Variants in TRAM2 observed in about 807,000 individuals in gnomAD.
TRAM2 encodes translocating chain-associated membrane protein 2.
In TRAM2, 12 loss-of-function variants were observed where a neutral mutation model predicts 51.0. The ratio of observed to expected loss-of-function variants is 0.24; its 90% confidence interval spans 0.15 to 0.38. The LOEUF is 0.38. TRAM2 is among the 10% of genes least tolerant of loss of function. The pLI is 1.00. For missense variants in TRAM2, 361 were observed against 462.0 expected (o/e 0.78, Z 2.00); for synonymous variants, 175 against 179.4 (o/e 0.98, Z 0.20).
Position 52,501,046 on chromosome 6 carries a change from A to G in TRAM2, c.*2151T>C, listed in dbSNP as rs1030115024. The G allele has an allele frequency of 6.6e-6, 1 of 152,194 alleles. No homozygotes were observed. The highest frequency in any genetic ancestry group is 6.5e-5 in the Admixed American group (1 of 15,270). The allele number at this position is 152,194 out of a possible 1,614,324, so 9.4% of individuals were successfully genotyped here. On this transcript the variant is annotated 3_prime_UTR_variant, in exon 11 of 11. Transcript: ENST00000182527. ...AGGCAAGGTGGGGGGCCTGAACTCA[A>G]TTATAGACTCTGTCAGGGCTGTTTG...
intron 1 of TRAM2, among the ~76,000 whole-genome samples, chr6:52,546,112 C>G (rs1767195280): frequency 6.6e-6 from 1 of 152,152 alleles, no homozygotes; most frequent in African/African-American, 2.4e-5. Flanking sequence ...CAGCAACGTT[C>G]TACCTGATCT....
chr6:52,545,190 G>A (rs567965672), intron 1 of TRAM2, among the ~76,000 whole-genome samples: 11 of 152,300 alleles, frequency 7.2e-5, no homozygotes, highest in East Asian at 1.9e-4. Flanking sequence ...AAAATTAGAC[G>A]GAGAGGCTGG....
chr6:52,504,993 G>A (rs535923244), intron 9 of TRAM2, among the ~76,000 whole-genome samples: 4 of 152,370 alleles, frequency 2.6e-5, no homozygotes, highest in Non-Finnish European at 4.4e-5. Context: ...GGCGACAGAC[G>A]TACGGCCAGC....
rs576120915 is a variant in TRAM2 at position 52,545,376 on chromosome 6, T to C, written c.121-9530A>G. Among the ~76,000 whole-genome samples the C allele has an allele frequency of 2.0e-5, 3 of 152,294 alleles. No individual in the cohort carries two copies. The South Asian group carries it at 6.2e-4, about 32-fold the overall frequency. On this transcript the variant is annotated intron_variant, in intron 1 of 10. Coordinates refer to ENST00000182527, the MANE Select transcript of TRAM2 (RefSeq NM_012288.4). The stretch of plus-strand genomic sequence containing the variant: ...ATTAAGTAAGTCTCTTTCAGGGGGC[T>C]ACAAGAAGGGACAGGAACTGCCTGG...
At chr6:52,503,481 T>C (rs1230448800) in intron 10 of TRAM2, among the ~76,000 whole-genome samples, 1 of 151,984 alleles carries the variant, frequency 6.6e-6, no homozygotes, top group East Asian at 1.9e-4. Flanking sequence ...GGCCCTGGAC[T>C]AGTGGCCCTG....
intron 1 of TRAM2, among the ~76,000 whole-genome samples, chr6:52,548,913 G>A (rs79608250): frequency 6.6e-6 from 1 of 152,180 alleles, no homozygotes; most frequent in Non-Finnish European, 1.5e-5. Context: ...AAAAACATCT[G>A]TTAGTGCCCT....
At chr6:52,526,158 C>G (rs1381821845) in intron 2 of TRAM2, among the ~76,000 whole-genome samples, 143 of 1,308 alleles carry the variant, frequency 0.11, 1 homozygote, top group African/African-American at 0.29. Context: ...GACAGACACA[C>G]ACACACACAC....
intron 1 of TRAM2, among the ~76,000 whole-genome samples, chr6:52,538,205 AC>A (rs1229490779): frequency 3.9e-5 from 6 of 152,102 alleles, no homozygotes; most frequent in Non-Finnish European, 5.9e-5. Flanking sequence ...CAAACACTCT[AC>A]CCTGCCTAGG....
Position 52,543,153 on chromosome 6 carries a change from T to C in TRAM2, c.121-7307A>G, listed in dbSNP as rs576001590. ...TGTATTACTTCTTTGAGAGCCTTAA[T>C]ATATATATTCTCATCCTCCCCTAAA... On this transcript the variant is annotated intron_variant, in intron 1 of 10. Coordinates refer to ENST00000182527, the MANE Select transcript of TRAM2 (RefSeq NM_012288.4). 1.8e-4 allele frequency among the ~76,000 whole-genome samples: 23 copies of C among 129,286 alleles called. 1 individual carries two copies. In the South Asian group the frequency reaches 7.2e-3, roughly 40 times the overall value. The allele number at this position is 129,286 out of a possible 152,430, so 84.8% of individuals were successfully genotyped here.
At chr6:52,519,678 T>C (rs549981927) in intron 2 of TRAM2, among the ~76,000 whole-genome samples, 1 of 152,252 alleles carries the variant, frequency 6.6e-6, no homozygotes, top group African/African-American at 2.4e-5. Context: ...TTCAATAAAA[T>C]ATTTGTACAT....
chr6:52,562,092 A>C (rs974557565), intron 1 of TRAM2, among the ~76,000 whole-genome samples: 5 of 151,982 alleles, frequency 3.3e-5, no homozygotes, highest in African/African-American at 1.2e-4. Flanking sequence ...AAAAAAAAAA[A>C]CTTTAAAAAG....
intron 4 of TRAM2, among the ~76,000 whole-genome samples, chr6:52,512,885 G>A (rs963251131): frequency 3.3e-5 from 5 of 152,130 alleles, no homozygotes; most frequent in Non-Finnish European, 7.3e-5. Flanking sequence ...AGTAGAAACC[G>A]GTCCTGGTAC....
intron 2 of TRAM2, among the ~76,000 whole-genome samples, chr6:52,532,453 G>A (rs778894757): frequency 9.2e-5 from 14 of 151,962 alleles, no homozygotes; most frequent in Non-Finnish European, 1.6e-4. Context: ...TTAATCCTGT[G>A]CATTTTATAT....
chr6:52,560,323 AG>A (rs1434915254), intron 1 of TRAM2, among the ~76,000 whole-genome samples: 3 of 152,094 alleles, frequency 2.0e-5, no homozygotes, highest in Non-Finnish European at 4.4e-5. Context: ...TCTCCTAGAG[AG>A]ATACCAATGT....
In TRAM2 at chr6:52,577,060, C is replaced by A. The variant is rs2114115653; in HGVS notation, c.-145G>T. On this transcript the variant is annotated 5_prime_UTR_variant, in exon 1 of 11. Coordinates refer to ENST00000182527, the MANE Select transcript of TRAM2 (RefSeq NM_012288.4). ...TCGCCCGCCCAGCGCGGAACAACTT[C>A]GGGGCCCGCCCCCTTCCTCCGCCCG... The A allele has an allele frequency of 2.0e-6, 2 of 1,003,904 alleles. No homozygotes were observed. The highest frequency in any genetic ancestry group is 4.5e-5 in the South Asian group (1 of 22,370). The allele number at this position is 1,003,904 out of a possible 1,614,324, so 62.2% of individuals were successfully genotyped here. A position where few individuals can be genotyped will look rare whatever the true frequency, so the allele number is the denominator to read the frequency against.
intron 1 of TRAM2, among the ~76,000 whole-genome samples, chr6:52,562,729 G>A (rs1767521138): frequency 6.6e-6 from 1 of 151,902 alleles, no homozygotes; most frequent in Admixed American, 6.6e-5. Context: ...CCCACCACAG[G>A]CCCTGGTGTA....
chr6:52,516,171 T>C (rs1238590534), intron 3 of TRAM2, 49 bp from the exon 4 acceptor site: 6 of 1,547,708 alleles, frequency 3.9e-6, no homozygotes, highest in South Asian at 1.1e-5. Flanking sequence ...TGTATCCATA[T>C]TGGGCAGGTT....
chr6:52,547,384 T>C (rs932455350), intron 1 of TRAM2, among the ~76,000 whole-genome samples: 17 of 152,142 alleles, frequency 1.1e-4, no homozygotes, highest in African/African-American at 4.1e-4. Context: ...CCACGCCCTT[T>C]CTCAGTTCCC....
rs540409429 is a variant in TRAM2, at chr6:52,505,301, G to A, written c.875+298C>T. Among the ~76,000 whole-genome samples the A allele has an allele frequency of 2.3e-3, 346 of 152,310 alleles. 2 individuals carry two copies. Among genetic ancestry groups the A allele is most frequent in the Non-Finnish European group, 3.6e-3 (242 of 68,022 alleles). On this transcript the variant is annotated intron_variant, in intron 9 of 10. Transcript: ENST00000182527. ...AAAGCACCCACACACAAGAAGAGGA[G>A]AATGATATCAACTGAGAGACTGGGT...
Sources: allele counts gnomAD v4.1 joint callset (sites outside exome capture counted in the v4.1 genomes callset), GRCh38; gene constraint gnomAD v4.1.1; transcripts MANE v1.5; gene names NCBI Gene and HGNC (gene_info 2026-07-23, HGNC 2026-07-21).